OSR1: variants seen among roughly 807,000 people sequenced by gnomAD.
OSR1 encodes the protein protein odd-skipped-related 1.
OSR1 carries 3 observed loss-of-function variants against 15.7 expected under a neutral mutation model. That is an observed-to-expected ratio of 0.19 (90% confidence interval 0.09 to 0.50). OSR1 has a LOEUF of 0.50. Ranked by LOEUF, OSR1 falls within the 20% of genes least tolerant of loss-of-function variation. The probability of loss-of-function intolerance (pLI) is 0.97; values close to 1 mark genes in which losing one functional copy is unlikely to be tolerated. For synonymous variants in OSR1, 166 were observed against 152.7 expected, an observed-to-expected ratio of 1.09 and a Z score of -0.64; for missense variants, 271 against 351.1, an observed-to-expected ratio of 0.77 and a Z score of 1.82.
chr2:19,347,533 C>T (rs966966590), downstream of OSR1, among the ~76,000 whole-genome samples: 11 of 152,196 alleles, frequency 7.2e-5, no homozygotes, highest in African/African-American at 2.7e-4. Context: ...TGTCTCCAAC[C>T]TAGCATCTCA....
chr2:19,352,106 C>T lies in OSR1; in HGVS notation c.*169G>A, dbSNP rs913538338. ...AGCAGGGACGGTCGGGGTCGCGGCCCCGGGCGGGGCTCTGAAGTGCCGCGT... is the reference window on the plus strand; with the variant it reads ...AGCAGGGACGGTCGGGGTCGCGGCCTCGGGCGGGGCTCTGAAGTGCCGCGT... On this transcript the variant is annotated 3_prime_UTR_variant, in exon 3 of 3. Transcript: ENST00000272223. 1 of 681,356 alleles carries T rather than the reference C, an allele frequency of 1.5e-6. No homozygotes were observed. Among genetic ancestry groups the T allele is most frequent in the Non-Finnish European group, 2.3e-6 (1 of 441,140 alleles). 42.2% of individuals were successfully genotyped at this position (681,356 alleles called of 1,614,324 possible). A position where few individuals can be genotyped will look rare whatever the true frequency, so the allele number is the denominator to read the frequency against.
chr2:19,348,408 G>A (rs1470705435), downstream of OSR1: 2 of 154,348 alleles, frequency 1.3e-5, no homozygotes, highest in Admixed American at 6.5e-5. Flanking sequence ...ATGCCTCTGT[G>A]GACCTCATTC....
downstream of OSR1, among the ~76,000 whole-genome samples, chr2:19,350,135 T>G (rs1558358231): frequency 2.0e-5 from 3 of 152,182 alleles, no homozygotes; most frequent in Admixed American, 6.5e-5. Context: ...CAGACCAGAC[T>G]CAGCAGCGCC....
Position 19,357,914 on chromosome 2 carries a change from C to A in OSR1, c.-33+427G>T, listed in dbSNP as rs1300330927. ...TGGCGCGGTCGGCTGCGGCTGTGGC[C>A]ATTCACTCCCTCTCCCTTCCTTCTT... On this transcript the variant is annotated intron_variant, in intron 1 of 2. Transcript: ENST00000272223. This position sits in a 1 kb window ranked among gnomAD's most constrained non-coding sequence, Gnocchi z 5.0. The A allele has an allele frequency of 6.6e-6, 1 of 152,344 alleles. No individual in the cohort carries two copies. Among genetic ancestry groups the A allele is most frequent in the African/African-American group, 2.4e-5 (1 of 41,478 alleles). 9.4% of individuals were successfully genotyped at this position (152,344 alleles called of 1,614,324 possible).
chr2:19,344,920 C>G, the OSR1 span, among the ~76,000 whole-genome samples: 25 of 152,116 alleles, frequency 1.6e-4, 1 homozygote, highest in Middle Eastern at 0.01. Flanking sequence ...AGAAAAGGGG[C>G]ATTAAAACAG....
Position 19,353,716 on chromosome 2 carries a change from C to T in OSR1, c.90G>A (p.Leu30=), listed in dbSNP as rs1558359929. ...GCAGATGGTCCGAAGGCACTGTGGG[C>T]AGGCCGTTCACTGCCTGAAGGAAGG... is the stretch of plus-strand genomic sequence containing the variant. ...NYSFLQAVNG[L]PTVPSDHLPN... The change falls in exon 2 of 3, where the codon CTG becomes CTA. Residue 30 remains leucine, a synonymous_variant. Coordinates refer to ENST00000272223, the MANE Select transcript of OSR1 (RefSeq NM_145260.3). The T allele has an allele frequency of 6.2e-7, 1 of 1,614,096 alleles. No individual in the cohort carries two copies. The highest frequency in any genetic ancestry group is 8.5e-7 in the Non-Finnish European group (1 of 1,180,002).
chr2:19,348,098 G>GGCCATAGTGGGCGCA (rs1664770360), downstream of OSR1, among the ~76,000 whole-genome samples: 1 of 152,004 alleles, frequency 6.6e-6, no homozygotes, highest in Admixed American at 6.5e-5. Flanking sequence ...CAGTGGGCGC[G>GGCCATAGTGGGCGCA]GCCATAGTGG....
downstream of OSR1, chr2:19,348,419 A>G (rs1027069124): frequency 1.3e-5 from 2 of 154,218 alleles, no homozygotes; most frequent in Non-Finnish European, 2.9e-5. Context: ...GACCTCATTC[A>G]AGCCTTGTGT....
the OSR1 span, among the ~76,000 whole-genome samples, chr2:19,345,651 A>G: frequency 8.5e-5 from 13 of 152,136 alleles, no homozygotes; most frequent in African/African-American, 2.9e-4. Flanking sequence ...ATTTCCACCC[A>G]TCTTAGAGTG....
Position 19,353,674 on chromosome 2 carries a change from G to A in OSR1, c.132C>T (p.Phe44=), listed in dbSNP as rs1664888982. Residue 44 remains phenylalanine, a synonymous_variant, in exon 2 of 3, where the codon TTC becomes TTT. Transcript: ENST00000272223. ...GCAGGTGCACAGCGTGCAACGCGCT[G>A]AAACCATACAGGTTGGGCAGATGGT... The part of the protein sequence containing the change: ...PSDHLPNLYG[F]SALHAVHLHQ... 1 of 1,614,254 alleles carries A rather than the reference G, an allele frequency of 6.2e-7. No homozygotes were observed. Among genetic ancestry groups the A allele is most frequent in the Non-Finnish European group, 8.5e-7 (1 of 1,180,044 alleles).
downstream of OSR1, among the ~76,000 whole-genome samples, chr2:19,347,229 A>T (rs1664748614): frequency 6.6e-6 from 1 of 152,214 alleles, no homozygotes; most frequent in Non-Finnish European, 1.5e-5. Context: ...CATCATCAAC[A>T]TTTACAAGGC....
At chr2:19,355,854 G>A (rs1052870356) in intron 1 of OSR1, 2 of 152,286 alleles carry the variant, frequency 1.3e-5, no homozygotes, top group African/African-American at 4.8e-5. Context: ...ACAAGGAGAA[G>A]TAAATTTCAA....
At chr2:19,350,729 C>A (rs887481057), downstream of OSR1, among the ~76,000 whole-genome samples, 1 of 151,990 alleles carries the variant, frequency 6.6e-6, no homozygotes, top group Non-Finnish European at 1.5e-5. Context: ...AAACTAGACA[C>A]CCCAGGGAAG....
chr2:19,350,637 G>T (rs1664819932), downstream of OSR1, among the ~76,000 whole-genome samples: 2 of 152,178 alleles, frequency 1.3e-5, no homozygotes, highest in Admixed American at 1.3e-4. Flanking sequence ...GCGCGGTCCC[G>T]CGGTCAGGGC....
In OSR1 at chr2:19,353,351, T is replaced by C. The variant is rs1271925561; in HGVS notation, c.455A>G (p.Asp152Gly). The part of the protein sequence containing the change: ...SPAGGLGALL[D>G]VTKLSPEKKP... Reference sequence around the variant, plus strand: ...CTTTTCTGGAGACAGCTTGGTCACGTCGAGGAGGGCACCCAGCCCACCTGC... The same window carrying C: ...CTTTTCTGGAGACAGCTTGGTCACGCCGAGGAGGGCACCCAGCCCACCTGC... Residue 152 changes from aspartate (D) to glycine (G), a missense_variant, in exon 2 of 3, where the codon GAC (aspartate) becomes GGC (glycine). Transcript: ENST00000272223. 1 of 1,614,202 alleles carries C rather than the reference T, an allele frequency of 6.2e-7. No homozygotes were observed.
At chr2:19,354,438 ACC>A (rs1664910061) in intron 1 of OSR1, 1 of 151,892 alleles carries the variant, frequency 6.6e-6, no homozygotes, top group African/African-American at 2.4e-5. Context: ...ATCACATTGC[ACC>A]CATGAAGAGC....
At position 19,356,873 on chromosome 2, in the gene OSR1, G is replaced by A. The variant is rs1355121040; in HGVS notation, c.-33+1468C>T. On this transcript the variant is annotated intron_variant, in intron 1 of 2. Transcript: ENST00000272223. ...AATGAAGTGTGCAGAGTCTATTAAA[G>A]TGGTTTATTCGGGGCTAATTGAGCG... 5 of 152,396 alleles carry A rather than the reference G, an allele frequency of 3.3e-5. No individual in the cohort carries two copies. In the East Asian group the frequency reaches 9.7e-4, roughly 29 times the overall value. The allele number at this position is 152,396 out of a possible 1,614,324, so 9.4% of individuals were successfully genotyped here.
At chr2:19,352,526 C>G in intron 2 of OSR1, 116 bp from the exon 3 acceptor site, 3 of 1,283,596 alleles carry the variant, frequency 2.3e-6, no homozygotes, top group Non-Finnish European at 3.3e-6. Flanking sequence ...AGTGTATAGT[C>G]AGGTACCAAG....
Position 19,353,760 on chromosome 2 carries a change from G to A in OSR1, c.46C>T (p.Leu16=). The A allele has an allele frequency of 2.5e-6, 4 of 1,613,814 alleles. No individual in the cohort carries two copies. Among genetic ancestry groups the A allele is most frequent in the Non-Finnish European group, 3.4e-6 (4 of 1,179,844 alleles). Residue 16 remains leucine, a synonymous_variant, in exon 2 of 3, where the codon CTG becomes TTG. Coordinates refer to ENST00000272223, the MANE Select transcript of OSR1 (RefSeq NM_145260.3). ...AGGAAGGAGTAGTTGGTGAGCTGCAGGGAAGGGTGGATAGGCACCGGCGCC... is the reference window on the plus strand; with the variant it reads ...AGGAAGGAGTAGTTGGTGAGCTGCAAGGAAGGGTGGATAGGCACCGGCGCC... ...LPAPVPIHPS[L]QLTNYSFLQA... is the part of the protein sequence containing the mutation.
Sources: gnomAD v4.1 joint callset for allele counts (sites outside exome capture counted in the v4.1 genomes callset) on GRCh38, gnomAD v4.1.1 for gene constraint, Gnocchi (gnomAD v3.1) non-coding constraint, MANE v1.5 for transcripts, NCBI Gene and HGNC (gene_info 2026-07-23, HGNC 2026-07-21) for gene names.